The following KIAA1549L variants were observed in gnomAD, a reference collection of about 807,000 sequenced individuals.
KIAA1549L encodes the protein UPF0606 protein KIAA1549L.
Under a neutral mutation model 160.7 loss-of-function variants are expected in KIAA1549L, and 88 were observed. That is an observed-to-expected ratio of 0.55 (90% CI 0.46 to 0.65). The LOEUF (loss-of-function observed/expected upper bound fraction) is 0.65. Ranked by LOEUF, KIAA1549L falls within the 30% of genes least tolerant of loss-of-function variation. The pLI is 0.00. For missense variants in KIAA1549L, 2,258 were observed against 2,437.5 expected (o/e 0.93, Z 1.55); for synonymous variants, 950 against 976.7 (o/e 0.97, Z 0.51).
At chr11:33,541,762 G>A in intron 1 of KIAA1549L, 40 bp from the exon 2 acceptor site, 1 of 235,000 alleles carries the variant, frequency 4.3e-6, no homozygotes, top group South Asian at 5.8e-5. Context: ...GGCACTTCAT[G>A]AGCATCCAAC....
chr11:33,376,539 C>T lies in KIAA1549L; in HGVS notation c.-113C>T, dbSNP rs1344976808. 4 of 149,032 alleles carry T rather than the reference C, an allele frequency of 2.7e-5. No individual in the cohort carries two copies. Among genetic ancestry groups the T allele is most frequent in the African/African-American group, 9.7e-5 (4 of 41,180 alleles). 9.2% of individuals were successfully genotyped at this position (149,032 alleles called of 1,614,324 possible). On this transcript the variant is annotated 5_prime_UTR_variant, in exon 1 of 21. Coordinates refer to ENST00000658780, the MANE Select transcript of KIAA1549L (RefSeq NM_012194.3). This position sits in a 1 kb window ranked among gnomAD's most constrained non-coding sequence, Gnocchi z 5.8. Reference sequence around the variant, plus strand: ...AGTCGCGCCGCTCGGCGCCCCCTCCCTCCGGCGCCCGGGCCGTGGCCGGCG... The same window carrying T: ...AGTCGCGCCGCTCGGCGCCCCCTCCTTCCGGCGCCCGGGCCGTGGCCGGCG...
chr11:33,440,328 A>G (rs1401866005), intron 1 of KIAA1549L, among the ~76,000 whole-genome samples: 4 of 149,074 alleles, frequency 2.7e-5, no homozygotes, highest in Non-Finnish European at 5.9e-5. Flanking sequence ...ACGGGGTTTC[A>G]CCGTTTTTAG....
At chr11:33,631,330 A>G (rs866744172) in intron 16 of KIAA1549L, among the ~76,000 whole-genome samples, 4 of 151,958 alleles carry the variant, frequency 2.6e-5, no homozygotes, top group African/African-American at 7.3e-5. Context: ...ACCTTCCCCA[A>G]ACTTGTCCTG....
chr11:33,521,925 G>A (rs1012558353), intron 1 of KIAA1549L, among the ~76,000 whole-genome samples: 1 of 152,200 alleles, frequency 6.6e-6, no homozygotes, highest in Non-Finnish European at 1.5e-5. Flanking sequence ...GGCATTAGGA[G>A]ATAGAAATAG....
At chr11:33,574,919 GT>G in intron 10 of KIAA1549L, 46 bp downstream of exon 10, 1 of 1,522,886 alleles carries the variant, frequency 6.6e-7, no homozygotes, top group Non-Finnish European at 9.0e-7. Context: ...GCCATTAAAT[GT>G]TTCCTGAAAA....
At chr11:33,405,080 A>G (rs182078927) in intron 1 of KIAA1549L, among the ~76,000 whole-genome samples, 1 of 151,546 alleles carries the variant, frequency 6.6e-6, no homozygotes, top group African/African-American at 2.4e-5. Flanking sequence ...AAAATGTTTT[A>G]TTTTCATTTT....
chr11:33,544,362 G>T (rs370777455), intron 2 of KIAA1549L, 26 bp downstream of exon 2: 59 of 1,609,582 alleles, frequency 3.7e-5, no homozygotes, highest in Non-Finnish European at 4.7e-5. Context: ...CAGGTAGTTT[G>T]TTTCCCGGTA....
At chr11:33,604,134 A>G (rs572287312) in intron 13 of KIAA1549L, among the ~76,000 whole-genome samples, 34 of 152,336 alleles carry the variant, frequency 2.2e-4, no homozygotes, top group South Asian at 1.0e-3. Context: ...AAATTACCCC[A>G]GCACCTAGCA....
chr11:33,592,737 A>C (rs752629077), intron 12 of KIAA1549L, among the ~76,000 whole-genome samples: 5 of 152,242 alleles, frequency 3.3e-5, no homozygotes, highest in Non-Finnish European at 7.3e-5. Flanking sequence ...GAAGAAAACC[A>C]AAGCACAGTT....
chr11:33,480,420 T>C (rs1278033096), intron 1 of KIAA1549L, among the ~76,000 whole-genome samples: 1 of 152,222 alleles, frequency 6.6e-6, no homozygotes, highest in African/African-American at 2.4e-5. Flanking sequence ...TTTACTTTAT[T>C]TGCTCGTTCA....
chr11:33,613,348 G>T (rs1850696429), intron 15 of KIAA1549L, among the ~76,000 whole-genome samples: 1 of 152,084 alleles, frequency 6.6e-6, no homozygotes, highest in South Asian at 2.1e-4. Context: ...CGTTTCTCTT[G>T]TGATCAGTGA....
At chr11:33,597,779 G>A (rs1019047829) in intron 12 of KIAA1549L, among the ~76,000 whole-genome samples, 5 of 152,152 alleles carry the variant, frequency 3.3e-5, no homozygotes, top group African/African-American at 1.2e-4. Flanking sequence ...CTTATCTTTG[G>A]TCATTGTATG....
chr11:33,631,362 T>TTGCA (rs1308879212), intron 16 of KIAA1549L, among the ~76,000 whole-genome samples: 1 of 152,196 alleles, frequency 6.6e-6, no homozygotes, highest in Non-Finnish European at 1.5e-5. Flanking sequence ...CTCCGGGTTT[T>TTGCA]TGCATGCATG....
At chr11:33,481,263 C>G (rs1303131395) in intron 1 of KIAA1549L, among the ~76,000 whole-genome samples, 1 of 152,064 alleles carries the variant, frequency 6.6e-6, no homozygotes, top group African/African-American at 2.4e-5. Flanking sequence ...TTTGATATTA[C>G]TATTTATTTA....
intron 1 of KIAA1549L, among the ~76,000 whole-genome samples, chr11:33,378,837 T>C (rs1195571295): frequency 6.6e-6 from 1 of 152,032 alleles, no homozygotes; most frequent in Non-Finnish European, 1.5e-5. Flanking sequence ...TCCTATCTGC[T>C]CTCATTTGTT....
At chr11:33,610,029 G>A in intron 15 of KIAA1549L, 63 bp downstream of exon 15, 1 of 1,273,708 alleles carries the variant, frequency 7.9e-7, no homozygotes, top group Non-Finnish European at 1.1e-6. Context: ...GGCAGGCCTT[G>A]GGCAGTATAT....
rs908841213 is a variant in KIAA1549L at position 33,598,916 on chromosome 11, A to G, written c.4848A>G (p.Lys1616=). Reference sequence around the variant, plus strand: ...CCCAGAATGTAATGGCACAGCAGAAAGTGACAAAGGAGGAGGCAAGGAAGA... The same window carrying G: ...CCCAGAATGTAATGGCACAGCAGAAGGTGACAAAGGAGGAGGCAAGGAAGA... ...RSPQNVMAQQ[K]VTKEEARKRN... The change falls in exon 13 of 21, where the codon AAA becomes AAG. Residue 1616 remains lysine, a synonymous_variant. Coordinates refer to ENST00000658780, the MANE Select transcript of KIAA1549L (RefSeq NM_012194.3). 2 of 1,613,818 alleles carry G rather than the reference A, an allele frequency of 1.2e-6. No individual in the cohort carries two copies. Among genetic ancestry groups the G allele is most frequent in the South Asian group, 1.1e-5 (1 of 91,082 alleles).
intron 12 of KIAA1549L, among the ~76,000 whole-genome samples, chr11:33,594,627 A>G (rs1221019767): frequency 6.6e-6 from 1 of 152,222 alleles, no homozygotes; most frequent in Non-Finnish European, 1.5e-5. Flanking sequence ...TGCTTGTGTC[A>G]TGGTTGCTAC....
At chr11:33,460,630 T>G (rs1033867476) in intron 1 of KIAA1549L, among the ~76,000 whole-genome samples, 4 of 152,238 alleles carry the variant, frequency 2.6e-5, no homozygotes, top group Admixed American at 2.6e-4. Context: ...TTCCTGGTAC[T>G]TGGTTACATG....
Sources: gnomAD v4.1 joint callset for allele counts (sites outside exome capture counted in the v4.1 genomes callset) on GRCh38, gnomAD v4.1.1 for gene constraint, Gnocchi (gnomAD v3.1) non-coding constraint, MANE v1.5 for transcripts, NCBI Gene and HGNC (gene_info 2026-07-23, HGNC 2026-07-21) for gene names.